TM2D3: variants seen among roughly 807,000 people sequenced by gnomAD.
TM2D3 encodes TM2 domain containing 3.
A neutral mutation model predicts 27.3 loss-of-function variants in TM2D3; 33 were observed. The ratio of observed to expected loss-of-function variants is 1.21; its 90% CI spans 0.92 to 1.61. The LOEUF (loss-of-function observed/expected upper bound fraction) is 1.61, where lower values mean the gene tolerates loss of function less well. TM2D3 is among the 40% of genes most tolerant of loss of function. The pLI is 0.00. For missense variants in TM2D3, 364 were observed against 320.8 expected (o/e 1.13, Z -1.03); for synonymous variants, 138 against 122.2 (o/e 1.13, Z -0.85).
chr15:101,649,889 C>T lies in TM2D3; in HGVS notation c.327+115G>A, dbSNP rs1365639545. 6.7e-6 allele frequency: 7 copies of T among 1,042,918 alleles called. No homozygotes were observed. In the East Asian group the frequency reaches 1.6e-4, roughly 24 times the overall value. The allele number at this position is 1,042,918 out of a possible 1,614,324, so 64.6% of individuals were successfully genotyped here. A position where few individuals can be genotyped will look rare whatever the true frequency, so the allele number is the denominator to read the frequency against. On this transcript the variant is annotated intron_variant, in intron 3 of 5. Transcript: ENST00000333202. ...CTGCTTACATACTCAAAAGGGAAAT[C>T]ATAAAAGAATATAAAAATTCTTCAG...
At chr15:101,650,308 G>A (rs1021888174) in intron 2 of TM2D3, 147 bp from the exon 3 acceptor site, 8 of 715,160 alleles carry the variant, frequency 1.1e-5, no homozygotes, top group Non-Finnish European at 1.7e-5. Context: ...AGAGACACCT[G>A]CAATTAAAGC....
chr15:101,646,339 G>C (rs1896804501), intron 4 of TM2D3: 1 of 204,510 alleles, frequency 4.9e-6, no homozygotes, highest in South Asian at 6.6e-5. Context: ...TTAAAAGGAA[G>C]TGAAATAAAA....
chr15:101,645,981 C>CA (rs1896795575), intron 4 of TM2D3: 1 of 152,170 alleles, frequency 6.6e-6, no homozygotes, highest in Non-Finnish European at 1.5e-5. Context: ...GAATGCCAGT[C>CA]AATACAGCCA....
intron 3 of TM2D3, among the ~76,000 whole-genome samples, chr15:101,649,199 C>T (rs1030757723): frequency 8.5e-5 from 13 of 152,082 alleles, no homozygotes; most frequent in African/African-American, 2.7e-4. Flanking sequence ...TCATCTTTTC[C>T]GTGTGGGTTT....
downstream of TM2D3, among the ~76,000 whole-genome samples, chr15:101,637,910 G>T (rs1468425391): frequency 6.6e-6 from 1 of 152,136 alleles, no homozygotes; most frequent in Non-Finnish European, 1.5e-5. Context: ...CGAGCATTTT[G>T]CAAGTTGTAT....
intron 4 of TM2D3, 124 bp from the exon 5 acceptor site, chr15:101,645,286 T>C (rs1896776261): frequency 1.3e-6 from 1 of 772,240 alleles, no homozygotes; most frequent in Non-Finnish European, 2.1e-6. Flanking sequence ...TAATACATGT[T>C]GAAGTGAAGA....
chr15:101,642,877 A>T (rs1896704745), intron 5 of TM2D3, among the ~76,000 whole-genome samples: 1 of 152,180 alleles, frequency 6.6e-6, no homozygotes. Context: ...TAAAAAACCA[A>T]TGTTTTCTTT....
chr15:101,640,988 T>C (rs909161246), downstream of TM2D3, among the ~76,000 whole-genome samples: 2 of 152,226 alleles, frequency 1.3e-5, no homozygotes, highest in African/African-American at 4.8e-5. Flanking sequence ...TACTTCCTAC[T>C]AACTTCCCAC....
At chr15:101,648,580 C>T (rs933755249) in intron 3 of TM2D3, among the ~76,000 whole-genome samples, 2 of 152,188 alleles carry the variant, frequency 1.3e-5, no homozygotes, top group South Asian at 4.1e-4. Flanking sequence ...CCCCTGCCCT[C>T]CCCAGGCCAA....
Position 101,650,055 on chromosome 15 carries a change from A to C in TM2D3, c.276T>G (p.Tyr92Ter). The change falls in exon 3 of 6, where the codon TAT becomes TAG. Residue 92 changes from tyrosine to a stop codon, truncating the protein, a stop_gained. Coordinates refer to ENST00000333202, the MANE Select transcript of TM2D3 (RefSeq NM_078474.3). LOFTEE classifies it high-confidence loss of function. The stretch of plus-strand genomic sequence containing the variant: ...CACAGTCAAAAGTGACAGGCTTCCC[A>C]TAGGTACAGGAGAAATTTGTTGTGC... ...IDCTTNFSCT[Y>*]GKPVTFDCAV... The C allele has an allele frequency of 6.2e-7, 1 of 1,614,220 alleles. No individual in the cohort carries two copies. Among genetic ancestry groups the C allele is most frequent in the Non-Finnish European group, 8.5e-7 (1 of 1,180,032 alleles).
intron 3 of TM2D3, among the ~76,000 whole-genome samples, chr15:101,647,349 G>C (rs1388024245): frequency 6.6e-6 from 1 of 152,198 alleles, no homozygotes; most frequent in Admixed American, 6.5e-5. Flanking sequence ...TGGAATCCAG[G>C]TCCCTGAACT....
At chr15:101,641,806 T>C (rs1188380870), downstream of TM2D3, 13 of 681,870 alleles carry the variant, frequency 1.9e-5, no homozygotes, top group Non-Finnish European at 2.4e-5. Flanking sequence ...GTTGTAATGA[T>C]TATTCAAGAT....
At chr15:101,637,943 G>A (rs1051145053), downstream of TM2D3, among the ~76,000 whole-genome samples, 9 of 152,048 alleles carry the variant, frequency 5.9e-5, no homozygotes, top group African/African-American at 1.9e-4. Context: ...TCTACATTCC[G>A]TGCCCTGATA....
chr15:101,641,896 ATAC>A lies in TM2D3; in HGVS notation c.*580_*582del, dbSNP rs889134925. On this transcript the variant is annotated 3_prime_UTR_variant, in exon 6 of 6. Transcript: ENST00000333202. ...ATTTTTCAGTACTCTTACCTTTTAT[ATAC>A]TACTAAGAAAATTTAAACCATAACT... is the stretch of plus-strand genomic sequence containing the variant. 3.9e-5 allele frequency: 38 copies of A among 974,760 alleles called. No homozygotes were observed. The East Asian group carries it at 1.1e-3, about 29-fold the overall frequency. The allele number at this position is 974,760 out of a possible 1,614,324, so 60.4% of individuals were successfully genotyped here. A position where few individuals can be genotyped will look rare whatever the true frequency, so the allele number is the denominator to read the frequency against.
rs546675255 is a variant in TM2D3, at chr15:101,647,899, T to C, written c.328-1000A>G. On this transcript the variant is annotated intron_variant, in intron 3 of 5. Coordinates refer to ENST00000333202, the MANE Select transcript of TM2D3 (RefSeq NM_078474.3). ...CATATATATACACATACACACATTA[T>C]TTTTTTTTCTTTTTTTGAGATGGAG... 2.0e-5 allele frequency among the ~76,000 whole-genome samples: 3 copies of C among 151,356 alleles called. No individual in the cohort carries two copies. In the South Asian group the frequency reaches 6.3e-4, roughly 32 times the overall value.
At chr15:101,637,218 G>A (rs1205594601), downstream of TM2D3, among the ~76,000 whole-genome samples, 1 of 152,186 alleles carries the variant, frequency 6.6e-6, no homozygotes, top group Non-Finnish European at 1.5e-5. Flanking sequence ...TCAACAGAGG[G>A]GAGTGTCTGG....
At chr15:101,640,607 C>T (rs779154344), downstream of TM2D3, among the ~76,000 whole-genome samples, 2 of 152,168 alleles carry the variant, frequency 1.3e-5, no homozygotes, top group African/African-American at 2.4e-5. Flanking sequence ...TCCCTAGTGC[C>T]CTTTGAAAGT....
chr15:101,644,794 A>G (rs968337028), intron 5 of TM2D3, among the ~76,000 whole-genome samples: 8 of 152,230 alleles, frequency 5.3e-5, no homozygotes, highest in African/African-American at 1.9e-4. Context: ...TTAAAGATAT[A>G]CATCATAAAA....
exon 5 of TM2D3, chr15:101,633,407 C>T (rs1896490073): frequency 1.1e-5 from 4 of 363,148 alleles, no homozygotes; most frequent in South Asian, 1.2e-4. Flanking sequence ...GGACTGTGTT[C>T]CTTTCTGGAT....
Sources: allele counts gnomAD v4.1 joint callset (sites outside exome capture counted in the v4.1 genomes callset), GRCh38; gene constraint gnomAD v4.1.1; transcripts MANE v1.5; gene names NCBI Gene and HGNC (gene_info 2026-07-23, HGNC 2026-07-21).